CERT1: variants seen among roughly 807,000 people sequenced by gnomAD.
The protein encoded by CERT1 is ceramide transporter 1, also known as ceramide transfer protein.
Under a neutral mutation model 87.9 loss-of-function variants are expected in CERT1, and 31 were observed. The ratio of observed to expected loss-of-function variants is 0.35; its 90% confidence interval spans 0.27 to 0.48. The LOEUF is 0.48. CERT1 is among the 20% of genes least tolerant of loss of function. The pLI is 0.99. For synonymous variants in CERT1, 289 were observed against 250.9 expected, an observed-to-expected ratio of 1.15 and a Z score of -1.44; for missense variants, 487 against 758.0, an observed-to-expected ratio of 0.64 and a Z score of 4.20.
At chr5:75,431,068 T>G (rs1023031470) in intron 3 of CERT1, among the ~76,000 whole-genome samples, 3 of 152,166 alleles carry the variant, frequency 2.0e-5, no homozygotes, top group Non-Finnish European at 2.9e-5. Context: ...TGTTTTTCAA[T>G]TTTAATTTTA....
chr5:75,440,614 C>T (rs535829147), intron 3 of CERT1, among the ~76,000 whole-genome samples: 1 of 152,092 alleles, frequency 6.6e-6, no homozygotes, highest in Non-Finnish European at 1.5e-5. Flanking sequence ...AGGCAAAATG[C>T]TAAAGTGACA....
At chr5:75,468,840 T>C (rs1765578323) in intron 2 of CERT1, among the ~76,000 whole-genome samples, 1 of 152,186 alleles carries the variant, frequency 6.6e-6, no homozygotes, top group South Asian at 2.1e-4. Context: ...AAAGCCAGAC[T>C]GCAAACATTC....
chr5:75,406,703 T>C (rs1762719301), intron 8 of CERT1, among the ~76,000 whole-genome samples: 1 of 151,894 alleles, frequency 6.6e-6, no homozygotes, highest in Non-Finnish European at 1.5e-5. Flanking sequence ...CCATGCCTAA[T>C]ACAGCTAATT....
chr5:75,425,575 C>A, intron 4 of CERT1, 76 bp from the exon 5 acceptor site: 2 of 1,477,926 alleles, frequency 1.4e-6, no homozygotes, highest in Non-Finnish European at 9.3e-7. Flanking sequence ...GGTATTTCAT[C>A]AACTTTTAAG....
intron 5 of CERT1, among the ~76,000 whole-genome samples, chr5:75,424,879 G>A (rs949317101): frequency 2.0e-5 from 3 of 152,210 alleles, no homozygotes; most frequent in African/African-American, 7.2e-5. Flanking sequence ...TTGGTAGGCC[G>A]AAGTGGGAAG....
At chr5:75,429,203 T>A (rs528799033) in intron 3 of CERT1, among the ~76,000 whole-genome samples, 3,020 of 135,588 alleles carry the variant, frequency 0.022, 57 homozygotes, top group African/African-American at 0.052. Flanking sequence ...TAATAATTAT[T>A]ATTATTATTA....
chr5:75,384,977 G>GC (rs1350307355), intron 13 of CERT1, among the ~76,000 whole-genome samples: 2 of 152,098 alleles, frequency 1.3e-5, no homozygotes, highest in African/African-American at 4.8e-5. Flanking sequence ...AATCACCACT[G>GC]CATCACTCAG....
Position 75,378,125 on chromosome 5 carries a change from G to C in CERT1, c.*1221C>G, listed in dbSNP as rs905288039. The C allele has an allele frequency of 1.3e-5, 2 of 152,158 alleles. No homozygotes were observed. Among genetic ancestry groups the C allele is most frequent in the Non-Finnish European group, 2.9e-5 (2 of 68,050 alleles). The allele number at this position is 152,158 out of a possible 1,614,324, so 9.4% of individuals were successfully genotyped here. A position where few individuals can be genotyped will look rare whatever the true frequency, so the allele number is the denominator to read the frequency against. Reference sequence around the variant, plus strand: ...GTTAACGTATCACTTACTTTAAAAAGTTAAAGATTTTGGGCTGAGTGCAGT... The same window carrying C: ...GTTAACGTATCACTTACTTTAAAAACTTAAAGATTTTGGGCTGAGTGCAGT... On this transcript the variant is annotated 3_prime_UTR_variant, in exon 17 of 17. Transcript: ENST00000643780.
chr5:75,451,381 G>A (rs982196539), intron 3 of CERT1, among the ~76,000 whole-genome samples: 1 of 152,070 alleles, frequency 6.6e-6, no homozygotes, highest in Non-Finnish European at 1.5e-5. Flanking sequence ...CCCGACTACT[G>A]TAAGAACTAT....
intron 11 of CERT1, among the ~76,000 whole-genome samples, chr5:75,393,439 A>T (rs749335863): frequency 1.3e-5 from 2 of 151,608 alleles, no homozygotes; most frequent in Non-Finnish European, 2.9e-5. Context: ...TTTTTCTAAC[A>T]CTATTACCCA....
intron 11 of CERT1, among the ~76,000 whole-genome samples, chr5:75,398,040 A>T (rs1762328468): frequency 6.8e-6 from 1 of 147,542 alleles, no homozygotes; most frequent in Admixed American, 6.6e-5. Context: ...AGTAAAATTA[A>T]AAAAAAATGC....
rs1762373217 is a variant in CERT1 at position 75,399,213 on chromosome 5, A to G, written c.1188+97T>C. On this transcript the variant is annotated intron_variant, in intron 11 of 16. Coordinates refer to ENST00000643780, the MANE Select transcript of CERT1 (RefSeq NM_001379029.1). ...GTTACTATTTAAAATTCAAAACTAAAATCAGTGGCCTAACCAAAAGATTTC... is the reference window on the plus strand; with the variant it reads ...GTTACTATTTAAAATTCAAAACTAAGATCAGTGGCCTAACCAAAAGATTTC... 6.8e-6 allele frequency: 6 copies of G among 882,336 alleles called. No individual in the cohort carries two copies. In the African/African-American group the frequency reaches 8.4e-5, roughly 12 times the overall value. 54.7% of individuals were successfully genotyped at this position (882,336 alleles called of 1,614,324 possible).
chr5:75,424,838 T>C (rs75236339), intron 5 of CERT1, among the ~76,000 whole-genome samples: 2,223 of 152,232 alleles, frequency 0.015, 60 homozygotes, highest in African/African-American at 0.052. Flanking sequence ...CTTTGCCTGG[T>C]GTGGTGGCTC....
intron 6 of CERT1, 61 bp from the exon 7 acceptor site, chr5:75,417,094 A>T: frequency 7.7e-7 from 1 of 1,297,440 alleles, no homozygotes; most frequent in Non-Finnish European, 1.1e-6. Context: ...ATCACAATTT[A>T]AGATTAGAAA....
At chr5:75,462,990 CAAA>C (rs1174306526) in intron 2 of CERT1, among the ~76,000 whole-genome samples, 23 of 38,898 alleles carry the variant, frequency 5.9e-4, no homozygotes, top group Admixed American at 3.0e-3. Context: ...GACTCCGTCT[CAAA>C]AAAAAAAAAA....
intron 11 of CERT1, among the ~76,000 whole-genome samples, chr5:75,392,463 A>C (rs1457793022): frequency 1.3e-5 from 2 of 152,194 alleles, no homozygotes; most frequent in Admixed American, 6.5e-5. Context: ...TTCATTCATG[A>C]TAATATCTTC....
At chr5:75,454,398 A>C (rs751754591) in intron 3 of CERT1, among the ~76,000 whole-genome samples, 9 of 152,208 alleles carry the variant, frequency 5.9e-5, no homozygotes, top group Non-Finnish European at 1.3e-4. Context: ...GTTTTTTGCT[A>C]ATGACTTATT....
intron 2 of CERT1, among the ~76,000 whole-genome samples, chr5:75,481,318 C>T (rs960200512): frequency 3.3e-5 from 5 of 152,052 alleles, no homozygotes; most frequent in African/African-American, 1.2e-4. Flanking sequence ...AAAAACTGCC[C>T]CAATACACAC....
At chr5:75,414,921 C>A (rs757787689) in intron 7 of CERT1, among the ~76,000 whole-genome samples, 1 of 151,970 alleles carries the variant, frequency 6.6e-6, no homozygotes, top group Non-Finnish European at 1.5e-5. Context: ...TTCAGTGAAA[C>A]CATATTGTTA....
Sources: gnomAD v4.1 joint callset for allele counts (sites outside exome capture counted in the v4.1 genomes callset) on GRCh38, gnomAD v4.1.1 for gene constraint, MANE v1.5 for transcripts, NCBI Gene and HGNC (gene_info 2026-07-23, HGNC 2026-07-21) for gene names.